C1S: variants seen among roughly 807,000 people sequenced by gnomAD.
C1S encodes complement C1s subcomponent.
A neutral mutation model predicts 54.0 loss-of-function variants in C1S; 31 were observed. The observed-to-expected ratio is 0.57, with a 90% CI of 0.43 to 0.78. The LOEUF (loss-of-function observed/expected upper bound fraction) is 0.78, where lower values mean the gene tolerates loss of function less well. Ranked by LOEUF, C1S falls within the 30% of genes least tolerant of loss-of-function variation. C1S has a pLI of 0.00. For missense variants in C1S, 727 were observed against 851.8 expected (o/e 0.85, Z 1.82); for synonymous variants, 292 against 303.6 (o/e 0.96, Z 0.40).
At chr12:7,064,046 A>G (rs953684455) in intron 4 of C1S, 1 of 601,510 alleles carries the variant, frequency 1.7e-6, no homozygotes, top group African/African-American at 1.8e-5. Context: ...ACACACACAC[A>G]CCCCCGAGCT....
intron 7 of C1S, 82 bp from the exon 8 acceptor site, chr12:7,066,436 G>C (rs1937661963): frequency 1.2e-6 from 1 of 827,102 alleles, no homozygotes; most frequent in Non-Finnish European, 2.1e-6. Flanking sequence ...ATTTTAGAAA[G>C]TGTGAGAATG....
Position 7,070,886 on chromosome 12 carries a change from A to C in C1S, c.*235A>C. The stretch of plus-strand genomic sequence containing the variant: ...TTTCCCCGGAGTACCTATTGTAGAT[A>C]ACACTATGGGTGGGGCACTCCTTTC... On this transcript the variant is annotated 3_prime_UTR_variant, in exon 12 of 12. Transcript: ENST00000360817. The surrounding 1 kb of genome is among the most constrained non-coding windows in gnomAD (Gnocchi z 4.9). 1.8e-6 allele frequency: 1 copy of C among 558,586 alleles called. No homozygotes were observed. Among genetic ancestry groups the C allele is most frequent in the Middle Eastern group, 4.9e-4 (1 of 2,052 alleles). The allele number at this position is 558,586 out of a possible 1,614,324, so 34.6% of individuals were successfully genotyped here. A position where few individuals can be genotyped will look rare whatever the true frequency, so the allele number is the denominator to read the frequency against.
intron 11 of C1S, 79 bp from the exon 12 acceptor site, chr12:7,069,776 T>C: frequency 8.3e-7 from 1 of 1,207,760 alleles, no homozygotes; most frequent in Non-Finnish European, 1.2e-6. Context: ...GCAGGTAACA[T>C]TATGTGAGTG....
rs1555161501 is a variant in C1S, at chr12:7,063,013, G to C, written c.337G>C (p.Asp113His). The change falls in exon 4 of 12, where the codon GAC becomes CAC. Residue 113 changes from aspartate to histidine, a missense_variant. Around this residue, in one of 3 missense-constraint regions of C1S, gnomAD observed 357 missense variants for 365.4 expected, o/e 0.98. Coordinates refer to ENST00000360817, the MANE Select transcript of C1S (RefSeq NM_001734.5). The part of the protein sequence containing the change: ...YNKLQVIFKS[D>H]FSNEERFTGF... ...CAAACTCCAGGTGATCTTTAAGTCA[G>C]ACTTTTCCAATGAAGAGCGTTTTAC... 3.7e-6 allele frequency: 6 copies of C among 1,614,108 alleles called. No homozygotes were observed. The highest frequency in any genetic ancestry group is 2.2e-5 in the South Asian group (2 of 91,072).
At chr12:7,064,124 T>G in intron 4 of C1S, 143 bp from the exon 5 acceptor site, 1 of 855,508 alleles carries the variant, frequency 1.2e-6, no homozygotes, top group Non-Finnish European at 2.0e-6. Flanking sequence ...TATGGAATAA[T>G]AGTAGCCTGA....
At chr12:7,066,350 T>C (rs1937655800) in intron 7 of C1S, 168 bp from the exon 8 acceptor site, 2 of 686,810 alleles carry the variant, frequency 2.9e-6, no homozygotes, top group Admixed American at 4.1e-5. Context: ...TGCGGGTGGT[T>C]AGTTGGTAAT....
intron 4 of C1S, chr12:7,063,478 C>T (rs922381514): frequency 9.9e-6 from 4 of 402,536 alleles, no homozygotes; most frequent in East Asian, 7.3e-5. Flanking sequence ...AGTATTTAAA[C>T]CCATTCAATA....
intron 1 of C1S, 45 bp from the exon 2 acceptor site, chr12:7,061,794 G>A (rs1947091616): frequency 9.1e-7 from 1 of 1,096,910 alleles, no homozygotes; most frequent in African/African-American, 1.5e-5. Context: ...CAAAGAAGGT[G>A]CTTGTGTTTG....
chr12:7,068,014 C>T (rs1937722644), intron 10 of C1S, among the ~76,000 whole-genome samples: 1 of 152,212 alleles, frequency 6.6e-6, no homozygotes, highest in South Asian at 2.1e-4. Flanking sequence ...AGGAATTCCC[C>T]TACAACATCC....
At chr12:7,065,392 G>T (rs759870243) in intron 6 of C1S, 93 bp downstream of exon 6, 33 of 922,186 alleles carry the variant, frequency 3.6e-5, no homozygotes, top group Non-Finnish European at 5.7e-5. Flanking sequence ...ATCTTTCTCT[G>T]TTGCTCAAGC....
At chr12:7,067,513 G>A (rs1555162477) in intron 9 of C1S, 130 bp from the exon 10 acceptor site, 2 of 1,006,062 alleles carry the variant, frequency 2.0e-6, no homozygotes, top group African/African-American at 1.6e-5. Context: ...AGAGGCTGGT[G>A]TGGGGAGGTT....
chr12:7,065,388 C>T (rs1947159629), intron 6 of C1S, 89 bp downstream of exon 6: 2 of 932,514 alleles, frequency 2.1e-6, no homozygotes, highest in African/African-American at 1.6e-5. Flanking sequence ...CAGCATCTTT[C>T]TCTGTTGCTC....
chr12:7,065,894 T>TAA lies in C1S; in HGVS notation c.796_797dup (p.Asn266LysfsTer12). The stretch of plus-strand genomic sequence containing the variant: ...GGCCTCTAAATATTGAAACCAAGAG[T>TAA]AATGCTCTTGATATCATCTTCCAAA... On this transcript the variant is annotated frameshift_variant, in exon 7 of 12. Coordinates refer to ENST00000360817, the MANE Select transcript of C1S (RefSeq NM_001734.5). LOFTEE classifies it high-confidence loss of function. 2 of 1,609,130 alleles carry TAA rather than the reference T, an allele frequency of 1.2e-6. No individual in the cohort carries two copies. The highest frequency in any genetic ancestry group is 1.7e-6 in the Non-Finnish European group (2 of 1,175,584).
At chr12:7,061,748 G>A (rs375117062) in intron 1 of C1S, 91 bp from the exon 2 acceptor site, 1 of 732,148 alleles carries the variant, frequency 1.4e-6, no homozygotes, top group Non-Finnish European at 2.5e-6. Context: ...TTATACCTTT[G>A]AAGGTGACAC....
chr12:7,066,247 C>T (rs1555162202), intron 7 of C1S: 1 of 609,204 alleles, frequency 1.6e-6, no homozygotes, highest in East Asian at 2.8e-5. Context: ...TGAGATACTT[C>T]ACTTCTTCAG....
At chr12:7,061,358 C>T (rs1338231263) in intron 1 of C1S, 4 of 182,426 alleles carry the variant, frequency 2.2e-5, no homozygotes. Context: ...GGAGCATCAG[C>T]GGAGATGCAC....
rs782652613 is a variant in C1S, at chr12:7,062,660, A to G, written c.191A>G (p.Asn64Ser). 1 of 1,614,062 alleles carries G rather than the reference A, an allele frequency of 6.2e-7. No individual in the cohort carries two copies. The highest frequency in any genetic ancestry group is 8.5e-7 in the Non-Finnish European group (1 of 1,179,960). ...CATCTGGACATTGAGCTGTCAGAGA[A>G]CTGTGCGTATGACTCAGTGCAGGTA... ...FTHLDIELSE[N>S]CAYDSVQIIS... The change falls in exon 3 of 12, where the codon AAC (asparagine) becomes AGC (serine). Residue 64 changes from asparagine to serine, a missense_variant. Coordinates refer to ENST00000360817, the MANE Select transcript of C1S (RefSeq NM_001734.5).
At position 7,062,473 on chromosome 12, in the gene C1S, A is replaced by G; in HGVS notation, c.6-2A>G. The G allele has an allele frequency of 6.2e-7, 1 of 1,611,756 alleles. No individual in the cohort carries two copies. The highest frequency in any genetic ancestry group is 1.1e-5 in the South Asian group (1 of 90,992). On this transcript the variant is annotated splice_acceptor_variant, in intron 2 of 11. Transcript: ENST00000360817. LOFTEE classifies it high-confidence loss of function. ...CGCCAATCTATGCCTCTGTTTTTTC[A>G]GGTGCATTGTCCTGTTTTCACTTTT...
chr12:7,062,200 G>T, intron 2 of C1S: 1 of 568,512 alleles, frequency 1.8e-6, no homozygotes, highest in Non-Finnish European at 3.1e-6. Context: ...GAGCGCGGGA[G>T]GTCAAGGCTG....
Sources: allele counts gnomAD v4.1 joint callset (sites outside exome capture counted in the v4.1 genomes callset), GRCh38; gene constraint gnomAD v4.1.1; regional missense constraint gnomAD v4.1.1; non-coding constraint Gnocchi (gnomAD v3.1); transcripts MANE v1.5; gene names NCBI Gene and HGNC (gene_info 2026-07-23, HGNC 2026-07-21).